The following IGFL2 variants were observed in gnomAD, a reference collection of about 807,000 sequenced individuals.
IGFL2 encodes the protein IGF like family member 2.
IGFL2 carries 7 observed loss-of-function variants against 13.9 expected under a neutral mutation model. That is an observed-to-expected ratio of 0.51 (90% CI 0.29 to 0.95). The LOEUF (loss-of-function observed/expected upper bound fraction) is 0.95. Among genes scored for constraint, IGFL2 ranks in the 40% least tolerant of loss-of-function variants. The probability of loss-of-function intolerance (pLI) is 0.08; values close to 1 mark genes in which losing one functional copy is unlikely to be tolerated. For missense variants in IGFL2, 138 were observed against 147.8 expected, an observed-to-expected ratio of 0.93 and a Z score of 0.34; for synonymous variants, 55 against 55.8, an observed-to-expected ratio of 0.99 and a Z score of 0.07.
the IGFL2 span, among the ~76,000 whole-genome samples, chr19:46,091,738 G>A: frequency 1.3e-5 from 2 of 152,146 alleles, no homozygotes; most frequent in Non-Finnish European, 2.9e-5. Context: ...AGATGACTGT[G>A]CACTTAATGT....
chr19:46,201,756 G>A, the IGFL2 span, among the ~76,000 whole-genome samples: 9 of 152,182 alleles, frequency 5.9e-5, no homozygotes, highest in African/African-American at 1.9e-4. Flanking sequence ...AGAGGAAGAC[G>A]TGAAGGAGGC....
At chr19:46,140,344 TAAAG>T (rs1196814847), upstream of IGFL2, among the ~76,000 whole-genome samples, 10 of 152,194 alleles carry the variant, frequency 6.6e-5, no homozygotes, top group East Asian at 3.9e-4. Context: ...TGTTAGGTCA[TAAAG>T]AAAGTCTCAG....
chr19:46,194,124 G>A, the IGFL2 span, among the ~76,000 whole-genome samples: 1 of 152,132 alleles, frequency 6.6e-6, no homozygotes, highest in Admixed American at 6.5e-5. Context: ...AACTGCCTGA[G>A]GTAGGGCCTG....
chr19:46,190,835 A>C, the IGFL2 span, among the ~76,000 whole-genome samples: 1 of 152,188 alleles, frequency 6.6e-6, no homozygotes, highest in East Asian at 1.9e-4. Context: ...TTTTACCATC[A>C]AAAAGAAAAA....
At chr19:46,138,440 C>T (rs1031036276), upstream of IGFL2, among the ~76,000 whole-genome samples, 4 of 152,284 alleles carry the variant, frequency 2.6e-5, no homozygotes, top group Non-Finnish European at 5.9e-5. Flanking sequence ...AACACTCCAA[C>T]GTGGGGTGTT....
At chr19:46,101,683 A>AGCAG in the IGFL2 span, among the ~76,000 whole-genome samples, 3 of 152,244 alleles carry the variant, frequency 2.0e-5, no homozygotes, top group Admixed American at 2.0e-4. Flanking sequence ...CGTCGTAAGC[A>AGCAG]GCAGGCAGCT....
the IGFL2 span, among the ~76,000 whole-genome samples, chr19:46,176,494 T>C: frequency 6.6e-6 from 1 of 152,278 alleles, no homozygotes; most frequent in Middle Eastern, 3.4e-3. Context: ...ATCTTGACTC[T>C]GGGAGAAACC....
chr19:46,169,978 C>G, the IGFL2 span, among the ~76,000 whole-genome samples: 43 of 151,682 alleles, frequency 2.8e-4, no homozygotes, highest in Non-Finnish European at 5.9e-4. Flanking sequence ...CTGCAAGAAA[C>G]ATTCCAAATT....
At chr19:46,167,617 T>G in the IGFL2 span, among the ~76,000 whole-genome samples, 8 of 152,276 alleles carry the variant, frequency 5.3e-5, no homozygotes, top group African/African-American at 1.9e-4. Context: ...AAAAATACAT[T>G]ATCTATTATG....
the IGFL2 span, among the ~76,000 whole-genome samples, chr19:46,078,661 A>G: frequency 6.6e-5 from 10 of 152,218 alleles, no homozygotes; most frequent in Admixed American, 6.5e-4. Context: ...TGCATCAAAC[A>G]TAGCTATGTA....
chr19:46,134,156 A>T, the IGFL2 span, among the ~76,000 whole-genome samples: 1 of 152,190 alleles, frequency 6.6e-6, no homozygotes, highest in Non-Finnish European at 1.5e-5. Flanking sequence ...CAAGGCTGTG[A>T]ATCAGTTGTT....
At chr19:46,200,635 C>A in the IGFL2 span, among the ~76,000 whole-genome samples, 1 of 151,902 alleles carries the variant, frequency 6.6e-6, no homozygotes, top group African/African-American at 2.4e-5. Context: ...CCTGCTACAG[C>A]CTCCCAAATA....
At chr19:46,152,344 A>C (rs142407589) in intron 1 of IGFL2, among the ~76,000 whole-genome samples, 1 of 150,756 alleles carries the variant, frequency 6.6e-6, no homozygotes, top group East Asian at 1.9e-4. Flanking sequence ...TGGTGTGATC[A>C]TAGCTCAATG....
chr19:46,198,787 GT>G, the IGFL2 span, among the ~76,000 whole-genome samples: 1 of 152,172 alleles, frequency 6.6e-6, no homozygotes, highest in Non-Finnish European at 1.5e-5. Context: ...AAAGAGAGGT[GT>G]TTAGGCTGGA....
chr19:46,196,442 G>C, the IGFL2 span, among the ~76,000 whole-genome samples: 2 of 152,060 alleles, frequency 1.3e-5, no homozygotes, highest in Non-Finnish European at 1.5e-5. Flanking sequence ...ATCCACAGCT[G>C]TTTCAGTCCC....
chr19:46,146,381 T>A (rs1411692217), upstream of IGFL2, among the ~76,000 whole-genome samples: 3 of 152,246 alleles, frequency 2.0e-5, no homozygotes, highest in Admixed American at 6.5e-5. Context: ...ATTGTGAAAT[T>A]GGATAGTGTG....
the IGFL2 span, among the ~76,000 whole-genome samples, chr19:46,184,396 T>G: frequency 6.6e-6 from 1 of 152,140 alleles, no homozygotes; most frequent in Non-Finnish European, 1.5e-5. Flanking sequence ...ATTAGGTATT[T>G]CTCCTAATGC....
chr19:46,174,733 C>G, the IGFL2 span, among the ~76,000 whole-genome samples: 1 of 152,172 alleles, frequency 6.6e-6, no homozygotes, highest in East Asian at 1.9e-4. Flanking sequence ...AGCCCAGTCT[C>G]TCAGACCCTC....
At chr19:46,100,196 A>G in the IGFL2 span, among the ~76,000 whole-genome samples, 15 of 151,966 alleles carry the variant, frequency 9.9e-5, no homozygotes, top group Non-Finnish European at 2.1e-4. Flanking sequence ...GAGGAGAGGC[A>G]CTCTGGCCTT....
Sources: gnomAD v4.1 joint callset for allele counts (sites outside exome capture counted in the v4.1 genomes callset) on GRCh38, gnomAD v4.1.1 for gene constraint, MANE v1.5 for transcripts, NCBI Gene and HGNC (gene_info 2026-07-23, HGNC 2026-07-21) for gene names.